Variants in TBC1D22B observed in about 807,000 individuals in gnomAD.
The protein encoded by TBC1D22B is TBC1 domain family member 22B.
Under a neutral mutation model 69.1 loss-of-function variants are expected in TBC1D22B, and 32 were observed. The observed-to-expected ratio is 0.46, with a 90% CI of 0.35 to 0.62. TBC1D22B has a LOEUF of 0.62. Ranked by LOEUF, TBC1D22B falls within the 20% of genes least tolerant of loss-of-function variation. TBC1D22B has a pLI of 0.00. For synonymous variants in TBC1D22B, 206 were observed against 229.8 expected, an observed-to-expected ratio of 0.90 and a Z score of 0.94; for missense variants, 462 against 630.9, an observed-to-expected ratio of 0.73 and a Z score of 2.87.
intron 6 of TBC1D22B, among the ~76,000 whole-genome samples, chr6:37,286,497 A>C (rs1302501121): frequency 1.3e-5 from 2 of 151,538 alleles, no homozygotes; most frequent in African/African-American, 4.8e-5. Flanking sequence ...TTGTATTTTT[A>C]GTAGAGACAG....
chr6:37,328,025 T>C (rs1768478266), intron 12 of TBC1D22B, among the ~76,000 whole-genome samples: 2 of 151,992 alleles, frequency 1.3e-5, no homozygotes, highest in Admixed American at 1.3e-4. Context: ...TTAAAATGTT[T>C]GTGGTGGGCC....
intron 2 of TBC1D22B, among the ~76,000 whole-genome samples, 194 bp downstream of exon 2, chr6:37,269,844 TTG>T (rs1766425807): frequency 6.6e-6 from 1 of 152,206 alleles, no homozygotes; most frequent in Admixed American, 6.5e-5. Flanking sequence ...ATTAGAGATT[TTG>T]TGTTTTCCTA....
intron 8 of TBC1D22B, among the ~76,000 whole-genome samples, chr6:37,298,544 T>G (rs1004017729): frequency 2.9e-5 from 4 of 137,576 alleles, no homozygotes; most frequent in African/African-American, 8.8e-5. Context: ...CTACAGTTTT[T>G]TTTTTTTTTT....
intron 9 of TBC1D22B, 89 bp from the exon 10 acceptor site, chr6:37,313,727 G>A (rs1767995637): frequency 8.0e-7 from 1 of 1,245,248 alleles, no homozygotes. Context: ...TTTGGAAAAT[G>A]GCCTGAACTT....
At chr6:37,330,301 C>T (rs1424569698) in intron 12 of TBC1D22B, among the ~76,000 whole-genome samples, 9 of 136,482 alleles carry the variant, frequency 6.6e-5, no homozygotes, top group African/African-American at 2.0e-4. Flanking sequence ...TGCAGTGGCG[C>T]GATCTGGGCT....
At chr6:37,283,194 C>T (rs530281834) in intron 5 of TBC1D22B, among the ~76,000 whole-genome samples, 246 of 152,270 alleles carry the variant, frequency 1.6e-3, no homozygotes, top group African/African-American at 5.4e-3. Context: ...TTCTTAACAG[C>T]GAGGAAGAAG....
intron 8 of TBC1D22B, among the ~76,000 whole-genome samples, chr6:37,296,084 C>G (rs965658650): frequency 6.6e-6 from 1 of 152,044 alleles, no homozygotes; most frequent in African/African-American, 2.4e-5. Context: ...ATTGTTAGCA[C>G]TTTTTAACAA....
chr6:37,299,863 G>A (rs1767508256), intron 8 of TBC1D22B, among the ~76,000 whole-genome samples: 1 of 152,022 alleles, frequency 6.6e-6, no homozygotes, highest in Admixed American at 6.6e-5. Context: ...ACACAAATTA[G>A]CCGGGCATGG....
intron 10 of TBC1D22B, 101 bp from the exon 11 acceptor site, chr6:37,316,602 T>G: frequency 7.3e-7 from 1 of 1,372,648 alleles, no homozygotes. Context: ...TGCTTACCCA[T>G]GGGAGGGGGC....
intron 2 of TBC1D22B, among the ~76,000 whole-genome samples, chr6:37,274,962 G>T (rs1020406697): frequency 6.6e-6 from 1 of 152,206 alleles, no homozygotes; most frequent in African/African-American, 2.4e-5. Flanking sequence ...TGAGGCAAGA[G>T]AATCGCTTGA....
chr6:37,265,399 G>T (rs766626066), intron 1 of TBC1D22B, among the ~76,000 whole-genome samples: 1 of 152,160 alleles, frequency 6.6e-6, no homozygotes, highest in Non-Finnish European at 1.5e-5. Flanking sequence ...TACCTAACCG[G>T]CCTGTTGAGA....
chr6:37,313,270 G>A (rs185095252), intron 9 of TBC1D22B, among the ~76,000 whole-genome samples: 7 of 152,230 alleles, frequency 4.6e-5, no homozygotes, highest in East Asian at 1.9e-4. Flanking sequence ...CTGGAGGATC[G>A]CTTGAGCTCA....
intron 1 of TBC1D22B, among the ~76,000 whole-genome samples, chr6:37,259,858 C>G (rs1382422562): frequency 1.3e-5 from 2 of 152,078 alleles, no homozygotes; most frequent in African/African-American, 4.8e-5. Context: ...GTGAAATACC[C>G]TATTTGTAAA....
In TBC1D22B at chr6:37,257,897, G is replaced by A. The variant is rs1765860747; in HGVS notation, c.-21G>A. Reference sequence around the variant, plus strand: ...GGGCAAACCCTTGGCCCGCCTACAAGGACTTCCCCCGGCCAGAGCAATGGC... The same window carrying A: ...GGGCAAACCCTTGGCCCGCCTACAAAGACTTCCCCCGGCCAGAGCAATGGC... On this transcript the variant is annotated 5_prime_UTR_variant, in exon 1 of 13. Coordinates refer to ENST00000373491, the MANE Select transcript of TBC1D22B (RefSeq NM_017772.4). The A allele has an allele frequency of 6.2e-7, 1 of 1,612,760 alleles. No homozygotes were observed. Among genetic ancestry groups the A allele is most frequent in the Admixed American group, 1.7e-5 (1 of 59,836 alleles).
chr6:37,262,788 G>A (rs1455580541), intron 1 of TBC1D22B, among the ~76,000 whole-genome samples: 2 of 152,150 alleles, frequency 1.3e-5, no homozygotes, highest in African/African-American at 4.8e-5. Context: ...TAAATTTGAT[G>A]GGTCTTTTTC....
intron 8 of TBC1D22B, among the ~76,000 whole-genome samples, chr6:37,300,989 CT>C (rs1331204613): frequency 2.0e-5 from 3 of 152,142 alleles, no homozygotes; most frequent in Admixed American, 2.0e-4. Flanking sequence ...CCCCTATCCC[CT>C]GGCAGCCACT....
At chr6:37,307,634 G>A (rs1032471599) in intron 8 of TBC1D22B, among the ~76,000 whole-genome samples, 50 of 152,158 alleles carry the variant, frequency 3.3e-4, no homozygotes, top group African/African-American at 1.0e-3. Context: ...GATTACAGGC[G>A]TGAGCCACAG....
intron 8 of TBC1D22B, among the ~76,000 whole-genome samples, chr6:37,306,243 C>T (rs531123392): frequency 6.6e-6 from 1 of 152,322 alleles, no homozygotes; most frequent in South Asian, 2.1e-4. Flanking sequence ...GTGAGCTGAG[C>T]AGGATGTGCA....
At chr6:37,270,342 T>A (rs1408777278) in intron 2 of TBC1D22B, among the ~76,000 whole-genome samples, 2 of 152,056 alleles carry the variant, frequency 1.3e-5, no homozygotes, top group Non-Finnish European at 2.9e-5. Context: ...TCCCAGCTAC[T>A]TGGGAGGCTG....
Sources: gnomAD v4.1 joint callset for allele counts (sites outside exome capture counted in the v4.1 genomes callset) on GRCh38, gnomAD v4.1.1 for gene constraint, MANE v1.5 for transcripts, NCBI Gene and HGNC (gene_info 2026-07-23, HGNC 2026-07-21) for gene names.